Variants in NOCT observed in about 807,000 individuals in gnomAD.
NOCT encodes the protein CCR4 carbon catabolite repression 4-like.
NOCT carries 18 observed loss-of-function variants against 35.0 expected under a neutral mutation model. The ratio of observed to expected loss-of-function variants is 0.51; its 90% CI spans 0.36 to 0.76. The LOEUF is 0.76. NOCT is among the 30% of genes least tolerant of loss of function. NOCT has a pLI of 0.01. For synonymous variants in NOCT, 235 were observed against 226.3 expected, an observed-to-expected ratio of 1.04 and a Z score of -0.34; for missense variants, 479 against 541.0, an observed-to-expected ratio of 0.89 and a Z score of 1.14.
chr4:139,042,106 C>T (rs1181732384), intron 1 of NOCT, among the ~76,000 whole-genome samples: 3 of 119,612 alleles, frequency 2.5e-5, no homozygotes, highest in Admixed American at 1.2e-4. Flanking sequence ...CTCGCTGTGT[C>T]ACCCAGGCTG....
Position 139,045,509 on chromosome 4 carries a change from A to ATTTTT in NOCT, c.*56_*60dup, listed in dbSNP as rs546346607. 0.034 allele frequency: 12,539 copies of ATTTTT among 371,754 alleles called. 959 individuals carry two copies. Among genetic ancestry groups the ATTTTT allele is most frequent in the Non-Finnish European group, 0.038 (8,717 of 228,458 alleles). 23.0% of individuals were successfully genotyped at this position (371,754 alleles called of 1,614,324 possible). On this transcript the variant is annotated 3_prime_UTR_variant, in exon 3 of 3. Transcript: ENST00000280614. ...TTTGTCTTTTTAATCACAGGAGTCT[A>ATTTTT]TTTTTTTTTTTTTTTTTTTTTTTTT...
chr4:139,041,366 AATGTTT>A (rs1726829974), intron 1 of NOCT, among the ~76,000 whole-genome samples: 1 of 152,198 alleles, frequency 6.6e-6, no homozygotes, highest in African/African-American at 2.4e-5. Flanking sequence ...ACATTTATAA[AATGTTT>A]ATGTTTTATA....
chr4:139,023,586 C>G (rs771933409), intron 1 of NOCT, among the ~76,000 whole-genome samples: 2 of 152,112 alleles, frequency 1.3e-5, no homozygotes, highest in Non-Finnish European at 2.9e-5. Flanking sequence ...ACCTCCGTCT[C>G]CCGGGTTCAA....
intron 1 of NOCT, among the ~76,000 whole-genome samples, chr4:139,022,329 T>C (rs1451237421): frequency 2.0e-5 from 3 of 152,192 alleles, no homozygotes; most frequent in African/African-American, 4.8e-5. Flanking sequence ...TTGAATCATA[T>C]ATTAATACTT....
rs531162189 is a variant in NOCT, at chr4:139,045,046, C to T, written c.868C>T (p.Arg290Cys). The change falls in exon 3 of 3, where the codon CGC (arginine) becomes TGC (cysteine). Residue 290 changes from arginine (R) to cysteine (C), a missense_variant. Physicochemically the swap from Arg to Cys is radical, Grantham distance 180 (BLOSUM62 -3). Coordinates refer to ENST00000280614, the MANE Select transcript of NOCT (RefSeq NM_012118.4). ...FCIAVTHLKA[R>C]TGWERFRSAQ... ...CATCGCTGTTACCCATCTAAAAGCA[C>T]GCACTGGCTGGGAGCGGTTTCGATC... 17 of 1,614,214 alleles carry T rather than the reference C, an allele frequency of 1.1e-5. No homozygotes were observed. The highest frequency in any genetic ancestry group is 5.3e-5 in the African/African-American group (4 of 75,056).
intron 1 of NOCT, among the ~76,000 whole-genome samples, chr4:139,035,490 CTTG>C (rs947483560): frequency 6.6e-6 from 1 of 152,174 alleles, no homozygotes; most frequent in Non-Finnish European, 1.5e-5. Flanking sequence ...GTTATCAAAA[CTTG>C]TTGGATCCAA....
chr4:139,043,583 G>C, intron 2 of NOCT: 1 of 457,504 alleles, frequency 2.2e-6, no homozygotes, highest in Admixed American at 3.7e-5. Context: ...CTACAAACAT[G>C]GAAGGTGTAA....
chr4:139,034,857 G>A (rs1355220496), intron 1 of NOCT, among the ~76,000 whole-genome samples: 2 of 152,036 alleles, frequency 1.3e-5, no homozygotes, highest in Admixed American at 6.6e-5. Flanking sequence ...CACTGTGCCC[G>A]GCTCATGTTC....
chr4:139,026,862 CTT>C (rs1165378672), intron 1 of NOCT, among the ~76,000 whole-genome samples: 1 of 120,246 alleles, frequency 8.3e-6, no homozygotes, highest in African/African-American at 3.5e-5. Flanking sequence ...TTTTTTTTTT[CTT>C]TTTTTTTTTT....
At chr4:139,039,220 C>CTA (rs1038771305) in intron 1 of NOCT, among the ~76,000 whole-genome samples, 16 of 141,092 alleles carry the variant, frequency 1.1e-4, no homozygotes, top group Non-Finnish European at 4.6e-5. Flanking sequence ...CCAATCCTTG[C>CTA]TTTAGTAGAT....
At chr4:139,030,339 A>G (rs983648263) in intron 1 of NOCT, among the ~76,000 whole-genome samples, 1 of 152,210 alleles carries the variant, frequency 6.6e-6, no homozygotes, top group Non-Finnish European at 1.5e-5. Context: ...CCACCAATAA[A>G]AGGTGGTCCT....
intron 1 of NOCT, among the ~76,000 whole-genome samples, chr4:139,040,723 A>C (rs1271392330): frequency 6.6e-6 from 1 of 152,174 alleles, no homozygotes; most frequent in African/African-American, 2.4e-5. Context: ...GTCACTGTTT[A>C]TTTCACATTT....
chr4:139,020,457 G>A (rs1167763625), intron 1 of NOCT, among the ~76,000 whole-genome samples: 1 of 152,182 alleles, frequency 6.6e-6, no homozygotes, highest in African/African-American at 2.4e-5. Context: ...GTGGGGGCAG[G>A]CAGAGAAGAC....
chr4:139,032,695 C>T (rs1726649528), intron 1 of NOCT, among the ~76,000 whole-genome samples: 1 of 151,998 alleles, frequency 6.6e-6, no homozygotes, highest in African/African-American at 2.4e-5. Context: ...TCTTAATTGC[C>T]ACATGGGTAA....
Position 139,015,970 on chromosome 4 carries a change from G to A in NOCT, c.-12G>A. The A allele has an allele frequency of 1.5e-6, 2 of 1,344,548 alleles. No individual in the cohort carries two copies. Among genetic ancestry groups the A allele is most frequent in the Non-Finnish European group, 9.5e-7 (1 of 1,052,612 alleles). The allele number at this position is 1,344,548 out of a possible 1,614,324, so 83.3% of individuals were successfully genotyped here. On this transcript the variant is annotated 5_prime_UTR_variant, in exon 1 of 3. Transcript: ENST00000280614. ...GGGCGCGCGAGGGGCCGTGGTGGCG[G>A]CGGCGCCCGGCATGTTTCATAGTCC...
At position 139,044,663 on chromosome 4, in the gene NOCT, T is replaced by G; in HGVS notation, c.485T>G (p.Phe162Cys). 1 of 1,613,596 alleles carries G rather than the reference T, an allele frequency of 6.2e-7. No individual in the cohort carries two copies. The change falls in exon 3 of 3, where the codon TTT becomes TGT. Residue 162 changes from phenylalanine to cysteine, a missense_variant. Around this residue, in one of 2 missense-constraint regions of NOCT, gnomAD observed 265 missense variants for 257.0 expected, o/e 1.03. Transcript: ENST00000280614. ...GCTCTTGGAGAAGGCAAAGACAACTTTGTACAGTGCCCTGTTGAAGCACTC... is the reference window on the plus strand; with the variant it reads ...GCTCTTGGAGAAGGCAAAGACAACTGTGTACAGTGCCCTGTTGAAGCACTC... ...AQALGEGKDN[F>C]VQCPVEALKW...
rs1017693611 is a variant in NOCT, at chr4:139,016,026, G to A, written c.45G>A (p.Arg15=). The change falls in exon 1 of 3, where the codon AGG becomes AGA. Residue 15 remains arginine (R), a synonymous_variant. Coordinates refer to ENST00000280614, the MANE Select transcript of NOCT (RefSeq NM_012118.4). ...PRRLCSALLQ[R]DAPGLRRLPA... Reference sequence around the variant, plus strand: ...GGCTCTGCTCGGCCCTGCTGCAGAGGGACGCGCCCGGCCTGCGCCGCCTGC... The same window carrying A: ...GGCTCTGCTCGGCCCTGCTGCAGAGAGACGCGCCCGGCCTGCGCCGCCTGC... 9.3e-6 allele frequency: 13 copies of A among 1,396,498 alleles called. No homozygotes were observed. Among genetic ancestry groups the A allele is most frequent in the Non-Finnish European group, 1.1e-5 (12 of 1,076,044 alleles). 86.5% of individuals were successfully genotyped at this position (1,396,498 alleles called of 1,614,324 possible). A position where few individuals can be genotyped will look rare whatever the true frequency, so the allele number is the denominator to read the frequency against.
At chr4:139,038,926 A>AT (rs144520372) in intron 1 of NOCT, among the ~76,000 whole-genome samples, 2,100 of 151,472 alleles carry the variant, frequency 0.014, 34 homozygotes, top group African/African-American at 0.035. Context: ...GATATGGCAA[A>AT]TTTTTTTTTG....
In NOCT at chr4:139,016,014, C is replaced by T; in HGVS notation, c.33C>T (p.Ala11=). Residue 11 remains alanine, a synonymous_variant, in exon 1 of 3, where the codon GCC becomes GCT. Transcript: ENST00000280614. The part of the protein sequence containing the change: MFHSPRRLCS[A]LLQRDAPGLR... ...ATAGTCCGCGGCGGCTCTGCTCGGC[C>T]CTGCTGCAGAGGGACGCGCCCGGCC... 1 of 1,397,692 alleles carries T rather than the reference C, an allele frequency of 7.2e-7. No homozygotes were observed. Among genetic ancestry groups the T allele is most frequent in the South Asian group, 1.5e-5 (1 of 66,538 alleles). 86.6% of individuals were successfully genotyped at this position (1,397,692 alleles called of 1,614,324 possible). A position where few individuals can be genotyped will look rare whatever the true frequency, so the allele number is the denominator to read the frequency against.
Sources: allele counts gnomAD v4.1 joint callset (sites outside exome capture counted in the v4.1 genomes callset), GRCh38; gene constraint gnomAD v4.1.1; regional missense constraint gnomAD v4.1.1; transcripts MANE v1.5; gene names NCBI Gene and HGNC (gene_info 2026-07-23, HGNC 2026-07-21).